Variants in CREBRF observed in about 807,000 individuals in gnomAD.
The protein encoded by CREBRF is CREB3 regulatory factor, also known as UPF0474 protein C5orf41.
In CREBRF, 5 loss-of-function variants were observed where a neutral mutation model predicts 66.1. The observed-to-expected ratio is 0.08, with a 90% CI of 0.04 to 0.16. CREBRF has a LOEUF of 0.16. Ranked by LOEUF, CREBRF falls within the 10% of genes least tolerant of loss-of-function variation. The probability of loss-of-function intolerance (pLI) is 1.00; values close to 1 mark genes in which losing one functional copy is unlikely to be tolerated. For missense variants in CREBRF, 531 were observed against 744.9 expected, an observed-to-expected ratio of 0.71 and a Z score of 3.34; for synonymous variants, 229 against 264.4, an observed-to-expected ratio of 0.87 and a Z score of 1.30.
At chr5:173,087,096 G>A (rs915321587) in intron 3 of CREBRF, among the ~76,000 whole-genome samples, 5 of 151,968 alleles carry the variant, frequency 3.3e-5, no homozygotes, top group Non-Finnish European at 7.4e-5. Context: ...ACAGCCACCT[G>A]GCACCATGCC....
intron 1 of CREBRF, among the ~76,000 whole-genome samples, chr5:173,077,645 A>C (rs1303525691): frequency 6.6e-6 from 1 of 152,100 alleles, no homozygotes; most frequent in Non-Finnish European, 1.5e-5. Context: ...CACCTGCCTC[A>C]GCCTCTCAAA....
chr5:173,074,936 A>C (rs1757715743), intron 1 of CREBRF, among the ~76,000 whole-genome samples: 1 of 152,144 alleles, frequency 6.6e-6, no homozygotes, highest in African/African-American at 2.4e-5. Flanking sequence ...CCATATTTTA[A>C]AAACTCTCCG....
At chr5:173,110,476 G>A (rs1231284620) in intron 5 of CREBRF, 46 bp from the exon 6 acceptor site, 1 of 1,391,660 alleles carries the variant, frequency 7.2e-7, no homozygotes, top group African/African-American at 1.4e-5. Context: ...CGTGTCTCTT[G>A]TTAATTAAAG....
intron 8 of CREBRF, among the ~76,000 whole-genome samples, chr5:173,125,055 A>C (rs912626061): frequency 6.6e-5 from 10 of 151,648 alleles, no homozygotes; most frequent in Non-Finnish European, 1.3e-4. Flanking sequence ...AGTAGCTGGG[A>C]TTACAGGCAC....
intron 4 of CREBRF, among the ~76,000 whole-genome samples, chr5:173,101,766 T>C (rs1758634638): frequency 6.6e-6 from 1 of 152,026 alleles, no homozygotes. Flanking sequence ...GTCAGGCTGG[T>C]CTTGAACTCC....
chr5:173,081,314 A>G (rs1757933193), intron 2 of CREBRF, among the ~76,000 whole-genome samples: 1 of 152,192 alleles, frequency 6.6e-6, no homozygotes, highest in Non-Finnish European at 1.5e-5. Context: ...ATATTATGGC[A>G]GCTACTCTGA....
At chr5:173,112,486 GGCTA>G in intron 7 of CREBRF, 107 bp downstream of exon 7, 1 of 713,662 alleles carries the variant, frequency 1.4e-6, no homozygotes, top group Non-Finnish European at 2.3e-6. Context: ...CCTAGTTTTT[GGCTA>G]GCCTCCTATT....
chr5:173,094,616 T>A (rs576169742), intron 4 of CREBRF, among the ~76,000 whole-genome samples: 2 of 152,236 alleles, frequency 1.3e-5, no homozygotes, highest in Non-Finnish European at 2.9e-5. Context: ...CTTTGCCCAT[T>A]TTTTAATTGG....
intron 8 of CREBRF, among the ~76,000 whole-genome samples, chr5:173,124,987 T>C (rs985987947): frequency 6.7e-6 from 1 of 149,566 alleles, no homozygotes; most frequent in African/African-American, 2.5e-5. Flanking sequence ...GGCACAATCT[T>C]AGCTCACTGC....
chr5:173,059,917 G>T (rs780312436), intron 1 of CREBRF, among the ~76,000 whole-genome samples: 1 of 152,152 alleles, frequency 6.6e-6, no homozygotes, highest in Admixed American at 6.5e-5. Context: ...ATCATTCTCT[G>T]TCATGGCAGG....
chr5:173,086,269 A>C (rs1159390671), intron 2 of CREBRF: 9 of 691,662 alleles, frequency 1.3e-5, no homozygotes, highest in Admixed American at 1.3e-4. Flanking sequence ...CAGCTTCTCC[A>C]CTGGGGCATT....
At chr5:173,066,723 G>T (rs1166849176) in intron 1 of CREBRF, among the ~76,000 whole-genome samples, 5 of 150,920 alleles carry the variant, frequency 3.3e-5, no homozygotes, top group Non-Finnish European at 5.9e-5. Flanking sequence ...AAATCTTTTG[G>T]TAGAATGTGT....
intron 7 of CREBRF, among the ~76,000 whole-genome samples, chr5:173,116,287 G>A (rs897224250): frequency 8.5e-5 from 13 of 152,252 alleles, no homozygotes; most frequent in African/African-American, 2.4e-4. Context: ...AGTATAATTC[G>A]ATTGGTTTAC....
At chr5:173,131,267 A>G (rs1759417478) in intron 8 of CREBRF, among the ~76,000 whole-genome samples, 1 of 152,242 alleles carries the variant, frequency 6.6e-6, no homozygotes, top group Non-Finnish European at 1.5e-5. Context: ...TTTAGCCTGT[A>G]TTGCTTGAAA....
intron 1 of CREBRF, among the ~76,000 whole-genome samples, chr5:173,077,778 A>G (rs1757809723): frequency 6.6e-6 from 1 of 151,688 alleles, no homozygotes; most frequent in Non-Finnish European, 1.5e-5. Context: ...CCTCCATTTT[A>G]CTCTCTTTCT....
At position 173,136,992 on chromosome 5, in the gene CREBRF, C is replaced by G. The variant is rs1209527294; in HGVS notation, c.*3247C>G. On this transcript the variant is annotated 3_prime_UTR_variant, in exon 9 of 9. Transcript: ENST00000296953. ...AAAAAACCAACAAAAACCTTTTTTC[C>G]TAGTTTCAGATACACTGGATTCTTT... 1 of 150,502 alleles carries G rather than the reference C, an allele frequency of 6.6e-6. No homozygotes were observed. Among genetic ancestry groups the G allele is most frequent in the Non-Finnish European group, 1.5e-5 (1 of 67,472 alleles). 9.3% of individuals were successfully genotyped at this position (150,502 alleles called of 1,614,324 possible). A position where few individuals can be genotyped will look rare whatever the true frequency, so the allele number is the denominator to read the frequency against.
chr5:173,129,241 C>T (rs1470544722), intron 8 of CREBRF, among the ~76,000 whole-genome samples: 7 of 147,582 alleles, frequency 4.7e-5, no homozygotes, highest in African/African-American at 1.8e-4. Context: ...CTCAGCCTCC[C>T]GAGTAGCTGG....
At chr5:173,073,645 A>T (rs757614230) in intron 1 of CREBRF, among the ~76,000 whole-genome samples, 1 of 152,192 alleles carries the variant, frequency 6.6e-6, no homozygotes, top group Non-Finnish European at 1.5e-5. Context: ...TTCCCATTCA[A>T]CTCAGATTAA....
At chr5:173,076,749 CAAA>C (rs1202344075) in intron 1 of CREBRF, among the ~76,000 whole-genome samples, 4 of 92,414 alleles carry the variant, frequency 4.3e-5, no homozygotes, top group African/African-American at 1.1e-4. Context: ...CAGTCAGTCT[CAAA>C]AAAAAAAAAA....
Sources: gnomAD v4.1 joint callset for allele counts (sites outside exome capture counted in the v4.1 genomes callset) on GRCh38, gnomAD v4.1.1 for gene constraint, MANE v1.5 for transcripts, NCBI Gene and HGNC (gene_info 2026-07-23, HGNC 2026-07-21) for gene names.